The following JARID2 variants were observed in gnomAD, a reference collection of about 807,000 sequenced individuals.
JARID2 encodes the protein jumonji and AT-rich interaction domain containing 2.
JARID2 carries 21 observed loss-of-function variants against 125.6 expected under a neutral mutation model. That is an observed-to-expected ratio of 0.17 (90% CI 0.12 to 0.24). JARID2 has a LOEUF of 0.24. Among genes scored for constraint, JARID2 ranks in the 10% least tolerant of loss-of-function variants. JARID2 has a pLI of 1.00. For synonymous variants in JARID2, 736 were observed against 661.6 expected (o/e 1.11, Z -1.73); for missense variants, 1,303 against 1,639.6 (o/e 0.79, Z 3.55).
chr6:15,412,867 G>A (rs1222465470), intron 3 of JARID2, among the ~76,000 whole-genome samples: 1 of 152,140 alleles, frequency 6.6e-6, no homozygotes, highest in Non-Finnish European at 1.5e-5. Context: ...TGACTCTGAA[G>A]ATGAGAAGTT....
intron 5 of JARID2, among the ~76,000 whole-genome samples, chr6:15,486,904 A>T (rs1369291257): frequency 1.4e-5 from 2 of 144,112 alleles, no homozygotes; most frequent in Non-Finnish European, 3.0e-5. Flanking sequence ...CCATTCTCAC[A>T]CTGCTATAAA....
At chr6:15,478,093 G>A (rs1248695957) in intron 5 of JARID2, among the ~76,000 whole-genome samples, 2 of 152,194 alleles carry the variant, frequency 1.3e-5, no homozygotes, top group Non-Finnish European at 2.9e-5. Flanking sequence ...GGGCCTTAGT[G>A]GGGGATATAG....
At chr6:15,361,767 G>A (rs1763801773) in intron 1 of JARID2, among the ~76,000 whole-genome samples, 1 of 152,104 alleles carries the variant, frequency 6.6e-6, no homozygotes, top group African/African-American at 2.4e-5. Flanking sequence ...AAGAAATGTT[G>A]GAACTGGCTG....
intron 1 of JARID2, among the ~76,000 whole-genome samples, chr6:15,253,112 G>A (rs1759519905): frequency 6.6e-6 from 1 of 151,460 alleles, no homozygotes; most frequent in Non-Finnish European, 1.5e-5. Flanking sequence ...CACCCAGGCT[G>A]GAGTGCAGTG....
intron 1 of JARID2, among the ~76,000 whole-genome samples, chr6:15,333,492 T>A (rs1286210905): frequency 2.0e-5 from 3 of 152,216 alleles, no homozygotes; most frequent in Non-Finnish European, 2.9e-5. Context: ...CACTTAGTAT[T>A]ATGTTTCTCC....
intron 17 of JARID2, among the ~76,000 whole-genome samples, chr6:15,519,185 C>G (rs1159964371): frequency 6.6e-6 from 1 of 152,220 alleles, no homozygotes; most frequent in Non-Finnish European, 1.5e-5. Flanking sequence ...CTCACTTGTC[C>G]TTATGGTAAG....
At chr6:15,390,355 A>G (rs1764952277) in intron 2 of JARID2, among the ~76,000 whole-genome samples, 1 of 152,056 alleles carries the variant, frequency 6.6e-6, no homozygotes, top group Admixed American at 6.6e-5. Context: ...GGGGTTCTCT[A>G]TCCGTTCATC....
intron 17 of JARID2, among the ~76,000 whole-genome samples, chr6:15,517,733 A>T (rs1192167128): frequency 1.3e-5 from 2 of 152,144 alleles, no homozygotes; most frequent in Non-Finnish European, 2.9e-5. Flanking sequence ...GCCTTCCTGC[A>T]GGTGCCACGC....
intron 1 of JARID2, chr6:15,324,479 C>T (rs936128230): frequency 6.6e-6 from 1 of 151,886 alleles, no homozygotes; most frequent in African/African-American, 2.4e-5. Flanking sequence ...GCACTATGAC[C>T]CCCCTCCTTT....
At chr6:15,467,514 A>G (rs1768797484) in intron 4 of JARID2, among the ~76,000 whole-genome samples, 1 of 150,662 alleles carries the variant, frequency 6.6e-6, no homozygotes, top group Non-Finnish European at 1.5e-5. Context: ...GATAAAGAGG[A>G]ACTATATTGT....
intron 2 of JARID2, among the ~76,000 whole-genome samples, chr6:15,388,784 C>G (rs1446837038): frequency 1.3e-5 from 2 of 152,058 alleles, no homozygotes; most frequent in Admixed American, 1.3e-4. Context: ...TTTCAGACCC[C>G]GTAGCTTCTC....
chr6:15,476,731 G>T (rs1474767424), intron 5 of JARID2, among the ~76,000 whole-genome samples: 2 of 152,122 alleles, frequency 1.3e-5, no homozygotes, highest in East Asian at 3.8e-4. Context: ...TCCATATACA[G>T]AATCTCAAAT....
intron 1 of JARID2, among the ~76,000 whole-genome samples, chr6:15,347,819 G>T (rs1405548194): frequency 1.3e-5 from 2 of 152,118 alleles, no homozygotes; most frequent in African/African-American, 4.8e-5. Context: ...CAGGCCTCAA[G>T]TGGAGGCTCA....
At position 15,252,942 on chromosome 6, in the gene JARID2, G is replaced by A. The variant is rs190810736; in HGVS notation, c.45+6358G>A. On this transcript the variant is annotated intron_variant, in intron 1 of 17. Transcript: ENST00000341776. ...AGGAGGTGAGAACTCCGTGGTATCTGTCTACATTTTTGTAGAAGAAGAGTG... is the reference window on the plus strand; with the variant it reads ...AGGAGGTGAGAACTCCGTGGTATCTATCTACATTTTTGTAGAAGAAGAGTG... Among the ~76,000 whole-genome samples the A allele has an allele frequency of 4.1e-4, 63 of 152,234 alleles. 1 individual carries two copies. The highest frequency in any genetic ancestry group is 3.9e-4 in the East Asian group (2 of 5,186).
At chr6:15,343,213 G>C (rs1432394212) in intron 1 of JARID2, among the ~76,000 whole-genome samples, 2 of 64,538 alleles carry the variant, frequency 3.1e-5, no homozygotes, top group South Asian at 5.6e-4. Context: ...TGGGCGACAA[G>C]AACGAAACTC....
chr6:15,519,325 C>T (rs184863724), intron 17 of JARID2, among the ~76,000 whole-genome samples: 20 of 152,300 alleles, frequency 1.3e-4, no homozygotes, highest in African/African-American at 4.3e-4. Flanking sequence ...CCCCGCCTTC[C>T]GAAGGCACCT....
intron 1 of JARID2, chr6:15,248,065 TTTTC>T (rs1335306044): frequency 1.3e-5 from 13 of 984,858 alleles, no homozygotes; most frequent in Middle Eastern, 5.2e-4. Context: ...GTGGGGTGGG[TTTTC>T]TTTCTTATTG....
intron 3 of JARID2, among the ~76,000 whole-genome samples, chr6:15,442,735 T>C (rs1767501328): frequency 6.6e-6 from 1 of 152,170 alleles, no homozygotes; most frequent in African/African-American, 2.4e-5. Context: ...TGATGATCCC[T>C]CTCAAATTTG....
intron 2 of JARID2, among the ~76,000 whole-genome samples, chr6:15,377,544 C>T (rs1025789830): frequency 3.9e-5 from 6 of 152,284 alleles, no homozygotes; most frequent in Admixed American, 1.3e-4. Context: ...TGGCTCACTG[C>T]AACCCCCACC....
Sources: gnomAD v4.1 joint callset for allele counts (sites outside exome capture counted in the v4.1 genomes callset) on GRCh38, gnomAD v4.1.1 for gene constraint, MANE v1.5 for transcripts, NCBI Gene and HGNC (gene_info 2026-07-23, HGNC 2026-07-21) for gene names.